Variants in HS3ST1 observed in about 807,000 individuals in gnomAD.
HS3ST1 encodes heparan sulfate glucosamine 3-O-sulfotransferase 1.
A neutral mutation model predicts 20.7 loss-of-function variants in HS3ST1; 8 were observed. The observed-to-expected ratio is 0.39, with a 90% CI of 0.23 to 0.70. The LOEUF (loss-of-function observed/expected upper bound fraction) is 0.70, where lower values mean the gene tolerates loss of function less well. Among genes scored for constraint, HS3ST1 ranks in the 30% least tolerant of loss-of-function variants. The pLI, the probability that HS3ST1 is intolerant of heterozygous loss-of-function variation, is 0.46. For synonymous variants in HS3ST1, 205 were observed against 190.4 expected, an observed-to-expected ratio of 1.08 and a Z score of -0.63; for missense variants, 436 against 423.4, an observed-to-expected ratio of 1.03 and a Z score of -0.26.
chr4:11,400,549 G>A (rs1718296495), intron 1 of HS3ST1, among the ~76,000 whole-genome samples: 1 of 152,176 alleles, frequency 6.6e-6, no homozygotes, highest in Non-Finnish European at 1.5e-5. Flanking sequence ...TCCCTAGTCA[G>A]AGCATGCTAA....
At chr4:11,406,722 A>G (rs943671030) in intron 1 of HS3ST1, among the ~76,000 whole-genome samples, 6 of 152,200 alleles carry the variant, frequency 3.9e-5, no homozygotes, top group Non-Finnish European at 7.3e-5. Flanking sequence ...TAAAACCACA[A>G]TGAGATAGAA....
rs1302132200 is a variant in HS3ST1 at position 11,397,779 on chromosome 4, A to G, written c.*1303T>C. 1 of 152,208 alleles carries G rather than the reference A, an allele frequency of 6.6e-6. No individual in the cohort carries two copies. The highest frequency in any genetic ancestry group is 1.5e-5 in the Non-Finnish European group (1 of 68,034). 9.4% of individuals were successfully genotyped at this position (152,208 alleles called of 1,614,324 possible). Reference sequence around the variant, plus strand: ...CATTTCTGTCATTTTCCTGCGGTATAAACCATGTCAGGAAGCCGGTTTATT... The same window carrying G: ...CATTTCTGTCATTTTCCTGCGGTATGAACCATGTCAGGAAGCCGGTTTATT... On this transcript the variant is annotated 3_prime_UTR_variant, in exon 2 of 2. Transcript: ENST00000002596.
At chr4:11,402,993 A>G (rs1359983403) in intron 1 of HS3ST1, among the ~76,000 whole-genome samples, 1 of 152,250 alleles carries the variant, frequency 6.6e-6, no homozygotes, top group Non-Finnish European at 1.5e-5. Flanking sequence ...AAATGTATTT[A>G]CTTATGTCTA....
At chr4:11,427,461 CTG>C (rs1279365403) in intron 1 of HS3ST1, among the ~76,000 whole-genome samples, 1 of 152,244 alleles carries the variant, frequency 6.6e-6, no homozygotes, top group African/African-American at 2.4e-5. Context: ...TAACAGGAGA[CTG>C]TTTCTCGGAG....
chr4:11,399,498 G>A lies in HS3ST1; in HGVS notation c.508C>T (p.Pro170Ser), dbSNP rs1173000516. Residue 170 changes from proline (P) to serine (S), a missense_variant, in exon 2 of 2, where the codon CCC becomes TCC. Coordinates refer to ENST00000002596, the MANE Select transcript of HS3ST1 (RefSeq NM_005114.4). This position sits in a 1 kb window ranked among gnomAD's most constrained non-coding sequence, Gnocchi z 5.1. The part of the protein sequence containing the change: ...VFYNHMQKHK[P>S]YPSIEEFLVR... ...AGGAACTCCTCGATGGACGGGTAGG[G>A]CTTGTGCTTCTGCATGTGGTTGTAG... 4 of 1,614,040 alleles carry A rather than the reference G, an allele frequency of 2.5e-6. No homozygotes were observed. Among genetic ancestry groups the A allele is most frequent in the South Asian group, 2.2e-5 (2 of 91,084 alleles).
intron 1 of HS3ST1, among the ~76,000 whole-genome samples, chr4:11,410,966 T>G (rs1345641615): frequency 2.0e-5 from 3 of 152,164 alleles, no homozygotes; most frequent in Non-Finnish European, 4.4e-5. Context: ...AAGCATATAG[T>G]CCTGAACTTA....
At chr4:11,425,632 G>T (rs1026676506) in intron 1 of HS3ST1, among the ~76,000 whole-genome samples, 1 of 152,150 alleles carries the variant, frequency 6.6e-6, no homozygotes, top group African/African-American at 2.4e-5. Flanking sequence ...TGCAAACTAT[G>T]ATTAAAATGA....
At chr4:11,415,549 T>G (rs77021608) in intron 1 of HS3ST1, among the ~76,000 whole-genome samples, 164 of 152,354 alleles carry the variant, frequency 1.1e-3, no homozygotes, top group African/African-American at 3.8e-3. Flanking sequence ...TATTTTTGTC[T>G]GCTTAAATAG....
At chr4:11,420,395 A>G (rs974573470) in intron 1 of HS3ST1, among the ~76,000 whole-genome samples, 1 of 152,206 alleles carries the variant, frequency 6.6e-6, no homozygotes, top group African/African-American at 2.4e-5. Flanking sequence ...GGGGGGAGCG[A>G]GTCTGAAAAG....
chr4:11,426,362 G>GCC (rs1370185721), intron 1 of HS3ST1, among the ~76,000 whole-genome samples: 14 of 111,022 alleles, frequency 1.3e-4, no homozygotes, highest in East Asian at 8.7e-4. Context: ...TCCCTTCAGA[G>GCC]GCCCCCCCCC....
rs1718170291 is a variant in HS3ST1, at chr4:11,397,330, AAGGTC to A, written c.*1747_*1751del. ...TATGGGGTGGGGCATAGGCCATGCT[AAGGTC>A]AGGTCAGGCTGGAGCTGCTGAAACG... On this transcript the variant is annotated 3_prime_UTR_variant, in exon 2 of 2. Coordinates refer to ENST00000002596, the MANE Select transcript of HS3ST1 (RefSeq NM_005114.4). 6.6e-6 allele frequency: 1 copy of A among 152,410 alleles called. No individual in the cohort carries two copies. Among genetic ancestry groups the A allele is most frequent in the Non-Finnish European group, 1.5e-5 (1 of 68,208 alleles). The allele number at this position is 152,410 out of a possible 1,614,324, so 9.4% of individuals were successfully genotyped here. A position where few individuals can be genotyped will look rare whatever the true frequency, so the allele number is the denominator to read the frequency against.
In HS3ST1 at chr4:11,399,777, G is replaced by A; in HGVS notation, c.229C>T (p.His77Tyr). ...TRALLEMLSL[H>Y]PDVAAAENEV... ...TTCTCCGCGGCCGCCACGTCGGGGT[G>A]CAGGCTGAGCATCTCCAGCAGTGCG... The change falls in exon 2 of 2, where the codon CAC (histidine) becomes TAC (tyrosine). Residue 77 changes from histidine (H) to tyrosine (Y), a missense_variant. His to Tyr is a moderately conservative substitution (Grantham distance 83, BLOSUM62 2). Transcript: ENST00000002596. This position sits in a 1 kb window ranked among gnomAD's most constrained non-coding sequence, Gnocchi z 5.1. 6.2e-7 allele frequency: 1 copy of A among 1,613,650 alleles called. No individual in the cohort carries two copies. Among genetic ancestry groups the A allele is most frequent in the Non-Finnish European group, 8.5e-7 (1 of 1,179,992 alleles).
chr4:11,406,794 A>T (rs577541661), intron 1 of HS3ST1, among the ~76,000 whole-genome samples: 1 of 152,222 alleles, frequency 6.6e-6, no homozygotes, highest in East Asian at 1.9e-4. Context: ...CATGGTGTTG[A>T]GTGATTTAAT....
upstream of HS3ST1, chr4:11,429,811 G>A (rs1053806323): frequency 2.0e-5 from 3 of 151,844 alleles, no homozygotes; most frequent in African/African-American, 7.3e-5. Flanking sequence ...AAGATTTAAG[G>A]TTTTGAGGGG....
rs945185944 is a variant in HS3ST1 at position 11,399,684 on chromosome 4, G to A, written c.322C>T (p.Pro108Ser). The A allele has an allele frequency of 2.5e-6, 4 of 1,613,750 alleles. No homozygotes were observed. The highest frequency in any genetic ancestry group is 3.3e-5 in the Admixed American group (2 of 60,014). Residue 108 changes from proline to serine, a missense_variant, in exon 2 of 2, where the codon CCC (proline) becomes TCC (serine). Coordinates refer to ENST00000002596, the MANE Select transcript of HS3ST1 (RefSeq NM_005114.4). This position sits in a 1 kb window ranked among gnomAD's most constrained non-coding sequence, Gnocchi z 5.1. ...GTGAGCTGGTGTGGCCAGGAGAAGG[G>A]CATCTGGCTGAGGTACCAGCCCAAG... ...HGLGWYLSQM[P>S]FSWPHQLTVE... is the part of the protein sequence containing the mutation.
chr4:11,431,588 C>G (rs1169342310), upstream of HS3ST1, among the ~76,000 whole-genome samples: 1 of 152,076 alleles, frequency 6.6e-6, no homozygotes. Context: ...AATCTTATCT[C>G]AAGGAAAAAC....
At position 11,394,081 on chromosome 4, in the gene HS3ST1, A is replaced by C. The variant is rs1025621457; in HGVS notation, c.*5001T>G. 1.3e-5 allele frequency: 2 copies of C among 152,234 alleles called. No individual in the cohort carries two copies. The highest frequency in any genetic ancestry group is 4.8e-5 in the African/African-American group (2 of 41,450). The allele number at this position is 152,234 out of a possible 1,614,324, so 9.4% of individuals were successfully genotyped here. ...GTTTTGGTCTGTCTCCTAAAGTCCC[A>C]AATGTTTTTAACCACTAAGTAACAT... On this transcript the variant is annotated 3_prime_UTR_variant, in exon 2 of 2. Coordinates refer to ENST00000002596, the MANE Select transcript of HS3ST1 (RefSeq NM_005114.4).
At chr4:11,419,253 C>T (rs1718862831) in intron 1 of HS3ST1, among the ~76,000 whole-genome samples, 1 of 152,018 alleles carries the variant, frequency 6.6e-6, no homozygotes, top group African/African-American at 2.4e-5. Context: ...TATTTTGCTA[C>T]ATTGCTGCAT....
At chr4:11,416,590 G>C (rs765851365) in intron 1 of HS3ST1, among the ~76,000 whole-genome samples, 39 of 152,226 alleles carry the variant, frequency 2.6e-4, no homozygotes, top group Non-Finnish European at 4.9e-4. Context: ...AGGGTTGGTG[G>C]CAGGACACTG....
Sources: gnomAD v4.1 joint callset for allele counts (sites outside exome capture counted in the v4.1 genomes callset) on GRCh38, gnomAD v4.1.1 for gene constraint, Gnocchi (gnomAD v3.1) non-coding constraint, MANE v1.5 for transcripts, NCBI Gene and HGNC (gene_info 2026-07-23, HGNC 2026-07-21) for gene names.